DIAPH3: variants seen among roughly 807,000 people sequenced by gnomAD.
DIAPH3 encodes diaphanous related formin 3.
Under a neutral mutation model 144.3 loss-of-function variants are expected in DIAPH3, and 117 were observed. That is an observed-to-expected ratio of 0.81 (90% confidence interval 0.70 to 0.95). DIAPH3 has a LOEUF of 0.95. Among genes scored for constraint, DIAPH3 ranks in the 40% least tolerant of loss-of-function variants. DIAPH3 has a pLI of 0.00. For missense variants in DIAPH3, 1,421 were observed against 1,412.7 expected (o/e 1.01, Z -0.09); for synonymous variants, 519 against 488.9 (o/e 1.06, Z -0.81).
At chr13:59,801,744 T>C (rs1225119432) in intron 25 of DIAPH3, among the ~76,000 whole-genome samples, 2 of 152,236 alleles carry the variant, frequency 1.3e-5, no homozygotes, top group African/African-American at 4.8e-5. Flanking sequence ...CTTATAATTC[T>C]CTTGAAAAAC....
At chr13:59,755,847 C>T (rs945399278) in intron 27 of DIAPH3, among the ~76,000 whole-genome samples, 1 of 151,958 alleles carries the variant, frequency 6.6e-6, no homozygotes, top group Admixed American at 6.6e-5. Context: ...GGATAATATA[C>T]AGGATATGAC....
At position 59,924,768 on chromosome 13, in the gene DIAPH3, T is replaced by C. The variant is rs747944329; in HGVS notation, c.2170+7A>G. The C allele has an allele frequency of 1.3e-6, 2 of 1,599,548 alleles. No individual in the cohort carries two copies. Among genetic ancestry groups the C allele is most frequent in the South Asian group, 2.2e-5 (2 of 90,708 alleles). ...GTCTTTGAATGGTATTGGAATATGA[T>C]ACTTACAAAGGTTCTGGGCAATTTT... On this transcript the variant is annotated splice_region_variant and intron_variant, in intron 18 of 27. Transcript: ENST00000400324.
intron 2 of DIAPH3, among the ~76,000 whole-genome samples, chr13:60,128,475 T>C (rs1359247367): frequency 2.0e-5 from 3 of 152,184 alleles, no homozygotes; most frequent in Non-Finnish European, 2.9e-5. Context: ...TGTGTATTAC[T>C]AAACATAGCA....
At chr13:60,017,980 G>A (rs892108168) in intron 5 of DIAPH3, among the ~76,000 whole-genome samples, 1 of 152,146 alleles carries the variant, frequency 6.6e-6, no homozygotes, top group African/African-American at 2.4e-5. Context: ...TCACTTAACT[G>A]TTTGCCTTGT....
At chr13:60,033,922 T>C (rs1337739801) in intron 5 of DIAPH3, among the ~76,000 whole-genome samples, 1 of 152,234 alleles carries the variant, frequency 6.6e-6, no homozygotes, top group Non-Finnish European at 1.5e-5. Context: ...AAACTTCTTC[T>C]ATTGTCAATG....
chr13:59,757,162 T>C (rs934397486), intron 27 of DIAPH3, among the ~76,000 whole-genome samples: 1 of 151,976 alleles, frequency 6.6e-6, no homozygotes, highest in Admixed American at 6.6e-5. Flanking sequence ...ACATCCAGTG[T>C]TATTGAGAAT....
intron 17 of DIAPH3, among the ~76,000 whole-genome samples, chr13:59,963,603 T>C (rs2049886627): frequency 6.8e-6 from 1 of 146,556 alleles, no homozygotes; most frequent in African/African-American, 2.5e-5. Context: ...GGTGATTCCA[T>C]CTCTTCTAGC....
intron 18 of DIAPH3, among the ~76,000 whole-genome samples, chr13:59,918,947 A>C (rs112389965): frequency 3.9e-3 from 504 of 128,876 alleles, no homozygotes; most frequent in Non-Finnish European, 6.5e-3. Context: ...GAAAATACAA[A>C]AAAAAAAAAA....
chr13:59,880,588 T>C (rs533001162), intron 20 of DIAPH3, among the ~76,000 whole-genome samples: 1 of 152,194 alleles, frequency 6.6e-6, no homozygotes, highest in Admixed American at 6.5e-5. Flanking sequence ...TAATGACCGT[T>C]ACTTAAAATA....
At chr13:59,879,525 G>C in intron 20 of DIAPH3, 57 bp from the exon 21 acceptor site, 1 of 1,604,794 alleles carries the variant, frequency 6.2e-7, no homozygotes, top group South Asian at 1.1e-5. Context: ...GTTTAGTACT[G>C]TACGACTGCA....
In DIAPH3 at chr13:59,911,783, G is replaced by C. The variant is rs1443691828; in HGVS notation, c.2319C>G (p.Phe773Leu). The change falls in exon 20 of 28, where the codon TTC becomes TTG. Residue 773 changes from phenylalanine to leucine, a missense_variant. Physicochemically the swap from Phe to Leu is conservative, Grantham distance 22 (BLOSUM62 0). Transcript: ENST00000400324. ...DQEQLNSLSQ[F>L]KSEYSNLCEP... ...CACATAAGTTGCTATATTCACTCTTGAACTGAGACAATGAATTTAATTGCT... is the reference window on the plus strand; with the variant it reads ...CACATAAGTTGCTATATTCACTCTTCAACTGAGACAATGAATTTAATTGCT... The C allele has an allele frequency of 6.2e-7, 1 of 1,613,532 alleles. No individual in the cohort carries two copies. Among genetic ancestry groups the C allele is most frequent in the South Asian group, 1.1e-5 (1 of 91,046 alleles).
At chr13:59,989,686 T>A (rs2051680832) in intron 12 of DIAPH3, among the ~76,000 whole-genome samples, 1 of 151,974 alleles carries the variant, frequency 6.6e-6, no homozygotes, top group South Asian at 2.1e-4. Flanking sequence ...AGACTCTTGA[T>A]TTAACTCAAA....
intron 18 of DIAPH3, among the ~76,000 whole-genome samples, chr13:59,921,882 G>A (rs564370702): frequency 6.6e-6 from 1 of 152,140 alleles, no homozygotes; most frequent in South Asian, 2.1e-4. Flanking sequence ...TCATTCCAGA[G>A]ATGCAAGGAT....
intron 20 of DIAPH3, among the ~76,000 whole-genome samples, chr13:59,895,039 A>G (rs1025140552): frequency 6.6e-6 from 1 of 152,184 alleles, no homozygotes; most frequent in Non-Finnish European, 1.5e-5. Flanking sequence ...ATAAAGCCAC[A>G]AACTGAGAAC....
rs138832460 is a variant in DIAPH3, at chr13:59,818,113, C to T, written c.3028-7190G>A. ...AGTTTTACTGGTACATAGCCACAGCCGTTTATTTACATATTGGATATGGCT... is the reference window on the plus strand; with the variant it reads ...AGTTTTACTGGTACATAGCCACAGCTGTTTATTTACATATTGGATATGGCT... On this transcript the variant is annotated intron_variant, in intron 24 of 27. Transcript: ENST00000400324. Among the ~76,000 whole-genome samples, 297 of 151,908 alleles carry T rather than the reference C, an allele frequency of 2.0e-3. 2 individuals carry two copies. The highest frequency in any genetic ancestry group is 6.8e-3 in the African/African-American group (282 of 41,500).
At chr13:59,881,002 A>AGG (rs1392528428) in intron 20 of DIAPH3, among the ~76,000 whole-genome samples, 3 of 150,118 alleles carry the variant, frequency 2.0e-5, no homozygotes, top group Non-Finnish European at 4.5e-5. Context: ...AAAAAAGAAG[A>AGG]AGAAGAAATA....
chr13:59,969,222 T>C (rs2050218328), intron 17 of DIAPH3, among the ~76,000 whole-genome samples: 1 of 152,180 alleles, frequency 6.6e-6, no homozygotes, highest in South Asian at 2.1e-4. Flanking sequence ...AGGTAAAACC[T>C]ATCACAAAAC....
intron 27 of DIAPH3, among the ~76,000 whole-genome samples, chr13:59,742,900 ACAC>A (rs1230997087): frequency 1.3e-5 from 2 of 152,320 alleles, no homozygotes; most frequent in Non-Finnish European, 2.9e-5. Flanking sequence ...TTCAAAGAGA[ACAC>A]CACATTTTGA....
chr13:60,062,553 A>C (rs1566727388), intron 4 of DIAPH3, among the ~76,000 whole-genome samples: 1 of 152,152 alleles, frequency 6.6e-6, no homozygotes. Context: ...AACATCATGA[A>C]TGAATAAGGA....
Sources: allele counts gnomAD v4.1 joint callset (sites outside exome capture counted in the v4.1 genomes callset), GRCh38; gene constraint gnomAD v4.1.1; transcripts MANE v1.5; gene names NCBI Gene and HGNC (gene_info 2026-07-23, HGNC 2026-07-21).